Variants in PTPRQ observed in about 807,000 individuals in gnomAD.
The protein encoded by PTPRQ is phosphatidylinositol phosphatase PTPRQ.
A neutral mutation model predicts 246.0 loss-of-function variants in PTPRQ; 199 were observed. That is an observed-to-expected ratio of 0.81 (90% CI 0.72 to 0.91). The LOEUF is 0.91. Ranked by LOEUF, PTPRQ falls within the 40% of genes least tolerant of loss-of-function variation. The pLI is 0.00. For synonymous variants in PTPRQ, 869 were observed against 853.2 expected (o/e 1.02, Z -0.32); for missense variants, 2,624 against 2,528.4 (o/e 1.04, Z -0.81).
At position 80,613,804 on chromosome 12, in the gene PTPRQ, G is replaced by A; in HGVS notation, c.5131G>A (p.Gly1711Arg). The A allele has an allele frequency of 6.5e-7, 1 of 1,539,122 alleles. No individual in the cohort carries two copies. Among genetic ancestry groups the A allele is most frequent in the Non-Finnish European group, 8.8e-7 (1 of 1,140,042 alleles). The change falls in exon 29 of 45, where the codon GGA becomes AGA. Residue 1711 changes from glycine (G) to arginine (R), a missense_variant. Physicochemically the swap from Gly to Arg is moderately radical, Grantham distance 125. Coordinates refer to ENST00000644991, the MANE Select transcript of PTPRQ (RefSeq NM_001145026.2). ...CACATTCGTCATTGCAATGCTAGAA[G>A]GACTAAAAGGTGGACATACATACAA... Reference protein sequence around the residue: ...TNTFVIAMLEGLKGGHTYNIS... With the variant: ...TNTFVIAMLERLKGGHTYNIS...
At chr12:80,674,727 T>A (rs941764138) in intron 43 of PTPRQ, among the ~76,000 whole-genome samples, 4 of 152,202 alleles carry the variant, frequency 2.6e-5, no homozygotes, top group Admixed American at 1.3e-4. Flanking sequence ...GGCTACTTAT[T>A]ATTAGGTATT....
At chr12:80,448,002 T>C (rs1298502755) in intron 3 of PTPRQ, among the ~76,000 whole-genome samples, 2 of 152,152 alleles carry the variant, frequency 1.3e-5, no homozygotes, top group Middle Eastern at 3.2e-3. Flanking sequence ...TATGGTATGT[T>C]GATTCTTCCA....
chr12:80,569,131 T>C (rs1897066124), intron 25 of PTPRQ, among the ~76,000 whole-genome samples: 1 of 140,828 alleles, frequency 7.1e-6, no homozygotes, highest in South Asian at 2.5e-4. Context: ...ATACAATTCT[T>C]TTTTTTTTTT....
chr12:80,539,155 G>GA (rs66643967), intron 19 of PTPRQ, among the ~76,000 whole-genome samples: 111 of 151,964 alleles, frequency 7.3e-4, no homozygotes, highest in African/African-American at 2.6e-3. Flanking sequence ...AAGCCTTGGG[G>GA]AAAAATGCAA....
At position 80,542,270 on chromosome 12, in the gene PTPRQ, T is replaced by G; in HGVS notation, c.3627T>G (p.Leu1209=). 1 of 1,550,682 alleles carries G rather than the reference T, an allele frequency of 6.4e-7. No individual in the cohort carries two copies. The highest frequency in any genetic ancestry group is 8.7e-7 in the Non-Finnish European group (1 of 1,146,506). ...ATAATTACATAATATTGGAAGAGCT[T>G]TCACCATTTACATTATATAGCTTTT... The part of the protein sequence containing the change: ...TSDNYIILEE[L]SPFTLYSFFA... Residue 1209 remains leucine (L), a synonymous_variant, in exon 22 of 45, where the codon CTT becomes CTG. Transcript: ENST00000644991.
chr12:80,476,811 T>C (rs1382069627), intron 8 of PTPRQ, among the ~76,000 whole-genome samples: 1 of 152,218 alleles, frequency 6.6e-6, no homozygotes, highest in Non-Finnish European at 1.5e-5. Context: ...TAAGGGATCA[T>C]AATTTTATGC....
intron 39 of PTPRQ, among the ~76,000 whole-genome samples, chr12:80,661,127 A>G (rs1900615823): frequency 6.6e-6 from 1 of 151,780 alleles, no homozygotes; most frequent in Non-Finnish European, 1.5e-5. Context: ...TATATACATC[A>G]TTTACAAGGA....
At chr12:80,605,383 G>A (rs1898278652) in intron 27 of PTPRQ, among the ~76,000 whole-genome samples, 1 of 151,170 alleles carries the variant, frequency 6.6e-6, no homozygotes, top group Admixed American at 6.6e-5. Context: ...CATGCATAAA[G>A]AACTTGGAAC....
At chr12:80,649,937 T>A (rs915480388) in intron 37 of PTPRQ, among the ~76,000 whole-genome samples, 1 of 152,154 alleles carries the variant, frequency 6.6e-6, no homozygotes, top group African/African-American at 2.4e-5. Context: ...TATTCTCTGC[T>A]CTTTCATCCA....
Position 80,493,439 on chromosome 12 carries a change from C to A in PTPRQ, c.1524C>A (p.Asp508Glu), listed in dbSNP as rs1369824423. The A allele has an allele frequency of 1.3e-6, 2 of 1,547,998 alleles. No individual in the cohort carries two copies. Among genetic ancestry groups the A allele is most frequent in the African/African-American group, 1.4e-5 (1 of 72,892 alleles). ...TTCCTGCAAGGAATAGAGCTGAAGACCAGACTTCACCAGTTGGTAGGTAGA... is the reference window on the plus strand; with the variant it reads ...TTCCTGCAAGGAATAGAGCTGAAGAACAGACTTCACCAGTTGGTAGGTAGA... ...KNFPARNRAE[D>E]QTSPVVTTRN... The change falls in exon 10 of 45, where the codon GAC becomes GAA. Residue 508 changes from aspartate (D) to glutamate (E), a missense_variant. Asp to Glu is a conservative substitution (Grantham distance 45). Coordinates refer to ENST00000644991, the MANE Select transcript of PTPRQ (RefSeq NM_001145026.2).
intron 25 of PTPRQ, among the ~76,000 whole-genome samples, chr12:80,574,342 T>C (rs2141337): frequency 9.8e-5 from 15 of 152,300 alleles, no homozygotes; most frequent in Middle Eastern, 3.4e-3. Context: ...TATAATCAGG[T>C]CTTTAATCTT....
chr12:80,491,023 T>C (rs916195672), intron 9 of PTPRQ, among the ~76,000 whole-genome samples: 2 of 151,884 alleles, frequency 1.3e-5, no homozygotes, highest in Non-Finnish European at 2.9e-5. Context: ...TTGCCCAAGT[T>C]ATGGAGGGTT....
chr12:80,552,645 T>TTATATATATATATATA (rs71094985), intron 25 of PTPRQ, among the ~76,000 whole-genome samples: 2 of 76,472 alleles, frequency 2.6e-5, no homozygotes, highest in Non-Finnish European at 2.4e-5. Flanking sequence ...AAAAAAAAAA[T>TTATATATATATATATA]TATATATATA....
chr12:80,452,904 T>C (rs1278624493), intron 3 of PTPRQ, among the ~76,000 whole-genome samples: 1 of 152,216 alleles, frequency 6.6e-6, no homozygotes, highest in Non-Finnish European at 1.5e-5. Context: ...TGAATGTGAA[T>C]GTTGACCTGC....
chr12:80,461,841 T>C (rs1893182146), intron 6 of PTPRQ: 4 of 151,448 alleles, frequency 2.6e-5, no homozygotes, highest in Middle Eastern at 3.4e-3. Flanking sequence ...TCTTCTTACA[T>C]ACTCCTTACT....
intron 25 of PTPRQ, among the ~76,000 whole-genome samples, chr12:80,570,228 A>G (rs962507147): frequency 6.6e-6 from 1 of 152,178 alleles, no homozygotes; most frequent in Admixed American, 6.5e-5. Context: ...GTTTCTCCAC[A>G]TCCTCTCCAG....
intron 8 of PTPRQ, among the ~76,000 whole-genome samples, chr12:80,475,762 A>T (rs1012452630): frequency 7.9e-5 from 12 of 152,078 alleles, no homozygotes; most frequent in Non-Finnish European, 1.8e-4. Context: ...AATTTTTGGC[A>T]TTAAGTATCA....
At position 80,496,253 on chromosome 12, in the gene PTPRQ, C is replaced by A; in HGVS notation, c.1994C>A (p.Pro665Gln). 1 of 1,549,622 alleles carries A rather than the reference C, an allele frequency of 6.5e-7. No homozygotes were observed. Among genetic ancestry groups the A allele is most frequent in the Non-Finnish European group, 8.7e-7 (1 of 1,146,248 alleles). The change falls in exon 14 of 45, where the codon CCG becomes CAG. Residue 665 changes from proline (P) to glutamine (Q), a missense_variant. By Grantham distance (76) the Pro-to-Gln change is moderately conservative. Transcript: ENST00000644991. ...DIFVRTSEDE[P>Q]ESSPQDVEVI... ...AAATGTTCTTTTCTTCCCCTAGAAC[C>A]GGAATCATCACCTCAAGATGTCGAA...
intron 38 of PTPRQ, among the ~76,000 whole-genome samples, chr12:80,655,672 A>G (rs1900409940): frequency 6.6e-6 from 1 of 151,994 alleles, no homozygotes; most frequent in Non-Finnish European, 1.5e-5. Context: ...AGCAAATAAG[A>G]TGTTTAAACT....
Sources: allele counts gnomAD v4.1 joint callset (sites outside exome capture counted in the v4.1 genomes callset), GRCh38; gene constraint gnomAD v4.1.1; transcripts MANE v1.5; gene names NCBI Gene and HGNC (gene_info 2026-07-23, HGNC 2026-07-21).